Variants in EPHB1 observed in about 807,000 individuals in gnomAD.
The protein encoded by EPHB1 is ephrin type-B receptor 1.
A neutral mutation model predicts 94.4 loss-of-function variants in EPHB1; 30 were observed. The ratio of observed to expected loss-of-function variants is 0.32; its 90% CI spans 0.24 to 0.43. The LOEUF (loss-of-function observed/expected upper bound fraction) is 0.43, where lower values mean the gene tolerates loss of function less well. Among genes scored for constraint, EPHB1 ranks in the 20% least tolerant of loss-of-function variants. The pLI, the probability that EPHB1 is intolerant of heterozygous loss-of-function variation, is 1.00. For missense variants in EPHB1, 1,055 were observed against 1,308.3 expected, an observed-to-expected ratio of 0.81 and a Z score of 2.99; for synonymous variants, 522 against 489.1, an observed-to-expected ratio of 1.07 and a Z score of -0.89.
At chr3:135,083,187 G>T (rs151103049) in intron 3 of EPHB1, among the ~76,000 whole-genome samples, 1 of 152,204 alleles carries the variant, frequency 6.6e-6, no homozygotes, top group South Asian at 2.1e-4. Flanking sequence ...GCTGTAGAAA[G>T]TCATGTCAGG....
At chr3:135,115,875 T>C (rs1336113799) in intron 4 of EPHB1, among the ~76,000 whole-genome samples, 1 of 152,188 alleles carries the variant, frequency 6.6e-6, no homozygotes, top group Non-Finnish European at 1.5e-5. Flanking sequence ...TTTTTATGAA[T>C]CATGTTTAAG....
chr3:134,891,386 A>G (rs937396837), intron 1 of EPHB1, among the ~76,000 whole-genome samples: 13 of 152,250 alleles, frequency 8.5e-5, no homozygotes, highest in African/African-American at 2.9e-4. Context: ...CTGGGATTAC[A>G]GGTGTGAGCC....
intron 1 of EPHB1, among the ~76,000 whole-genome samples, chr3:134,899,676 T>G (rs974241923): frequency 6.6e-6 from 1 of 152,018 alleles, no homozygotes; most frequent in Non-Finnish European, 1.5e-5. Flanking sequence ...TGTTTTGTTT[T>G]GTTTGTTTTA....
chr3:135,127,214 C>G (rs898577414), intron 4 of EPHB1, among the ~76,000 whole-genome samples: 3 of 152,184 alleles, frequency 2.0e-5, no homozygotes, highest in African/African-American at 7.2e-5. Context: ...ACTAAGAACC[C>G]CCTCAGAGTC....
intron 1 of EPHB1, among the ~76,000 whole-genome samples, chr3:134,816,633 A>G (rs2108288236): frequency 6.6e-6 from 1 of 152,146 alleles, no homozygotes; most frequent in South Asian, 2.1e-4. Flanking sequence ...CATTTGAAAC[A>G]GATTCCCAGG....
chr3:134,907,254 C>T (rs1021110693), intron 1 of EPHB1, among the ~76,000 whole-genome samples: 1 of 152,220 alleles, frequency 6.6e-6, no homozygotes, highest in African/African-American at 2.4e-5. Context: ...AGATTGGAAC[C>T]TTTATCTTTT....
intron 3 of EPHB1, among the ~76,000 whole-genome samples, chr3:135,087,016 A>T (rs1482165471): frequency 1.3e-5 from 2 of 152,252 alleles, no homozygotes; most frequent in African/African-American, 2.4e-5. Context: ...AATGAGAAAA[A>T]TAAAACCAGT....
At chr3:135,021,042 T>C (rs1201145736) in intron 3 of EPHB1, among the ~76,000 whole-genome samples, 1 of 152,248 alleles carries the variant, frequency 6.6e-6, no homozygotes, top group Non-Finnish European at 1.5e-5. Flanking sequence ...GCCTTGTTTA[T>C]CTATGATTGT....
chr3:135,132,610 C>G (rs551045082), intron 4 of EPHB1, 104 bp from the exon 5 acceptor site: 2 of 993,096 alleles, frequency 2.0e-6, no homozygotes, highest in East Asian at 2.7e-5. Flanking sequence ...GAGTGGGAGG[C>G]GAGCGCACTG....
Position 135,112,485 on chromosome 3 carries a change from C to T in EPHB1, c.961+5882C>T, listed in dbSNP as rs577191815. On this transcript the variant is annotated intron_variant, in intron 4 of 15. Coordinates refer to ENST00000398015, the MANE Select transcript of EPHB1 (RefSeq NM_004441.5). Reference sequence around the variant, plus strand: ...ACATGTGCCATGTTGGTCTGCTGCACCCATTAACTTGTCATTTAGCATTAG... The same window carrying T: ...ACATGTGCCATGTTGGTCTGCTGCATCCATTAACTTGTCATTTAGCATTAG... 7.2e-5 allele frequency among the ~76,000 whole-genome samples: 11 copies of T among 151,810 alleles called. No homozygotes were observed. The South Asian group carries it at 2.3e-3, about 32-fold the overall frequency.
rs1045343955 is a variant in EPHB1, at chr3:135,039,883, T to G, written c.806-66565T>G. ...GGCTCCCACAGTGCAGTGGGGGGGC[T>G]GAAGGGCTCCTCAAATGCCACCAAA... On this transcript the variant is annotated intron_variant, in intron 3 of 15. Transcript: ENST00000398015. 8.5e-5 allele frequency among the ~76,000 whole-genome samples: 13 copies of G among 152,250 alleles called. 1 individual carries two copies. The South Asian group carries it at 2.1e-3, about 24-fold the overall frequency.
At chr3:134,974,551 T>C (rs1362205424) in intron 3 of EPHB1, among the ~76,000 whole-genome samples, 1 of 150,610 alleles carries the variant, frequency 6.6e-6, no homozygotes, top group Non-Finnish European at 1.5e-5. Flanking sequence ...ATGCATAGCG[T>C]GCTGTGTCCC....
chr3:134,804,498 A>C (rs2035998601), intron 1 of EPHB1, among the ~76,000 whole-genome samples: 1 of 152,094 alleles, frequency 6.6e-6, no homozygotes. Context: ...TGTCTTTGAT[A>C]AGCTGTGTTG....
intron 1 of EPHB1, among the ~76,000 whole-genome samples, chr3:134,818,924 G>C (rs760249320): frequency 3.9e-5 from 6 of 152,168 alleles, no homozygotes; most frequent in Non-Finnish European, 7.3e-5. Flanking sequence ...CCCCTTTCAG[G>C]ACTGTGTTTC....
At position 134,951,832 on chromosome 3, in the gene EPHB1, G is replaced by A. The variant is rs976101450; in HGVS notation, c.585G>A (p.Lys195=). The A allele has an allele frequency of 4.3e-6, 7 of 1,614,036 alleles. No homozygotes were observed. Among genetic ancestry groups the A allele is most frequent in the African/African-American group, 4.0e-5 (3 of 75,052 alleles). The change falls in exon 3 of 16, where the codon AAG becomes AAA. Residue 195 remains lysine (K), a synonymous_variant. Transcript: ENST00000398015. This position sits in a 1 kb window ranked among gnomAD's most constrained non-coding sequence, Gnocchi z 4.5. Reference sequence around the variant, plus strand: ...TTTCTGTCCGTGTCTTCTTCAAAAAGTGTCCCAGCATTGTGCAAAATTTTG... The same window carrying A: ...TTTCTGTCCGTGTCTTCTTCAAAAAATGTCCCAGCATTGTGCAAAATTTTG... The part of the protein sequence containing the change: ...SLLSVRVFFK[K]CPSIVQNFAV...
chr3:134,806,190 G>T (rs185818523), intron 1 of EPHB1, among the ~76,000 whole-genome samples: 1 of 152,230 alleles, frequency 6.6e-6, no homozygotes, highest in East Asian at 1.9e-4. Context: ...TTTGAATATG[G>T]ATTGGCCTTA....
intron 1 of EPHB1, among the ~76,000 whole-genome samples, chr3:134,865,644 G>A (rs1229824131): frequency 1.9e-4 from 28 of 148,986 alleles, no homozygotes; most frequent in African/African-American, 6.0e-4. Flanking sequence ...AAATAAATCT[G>A]CAGCTGTTTT....
intron 3 of EPHB1, among the ~76,000 whole-genome samples, chr3:135,079,969 G>A (rs1254920271): frequency 3.3e-5 from 5 of 152,140 alleles, no homozygotes; most frequent in Non-Finnish European, 7.3e-5. Flanking sequence ...GCCCCTGGCT[G>A]GACGAAGAGG....
intron 1 of EPHB1, among the ~76,000 whole-genome samples, chr3:134,874,492 T>G (rs2037576192): frequency 6.6e-6 from 1 of 151,932 alleles, no homozygotes; most frequent in Admixed American, 6.6e-5. Context: ...ATAGAAGAAA[T>G]AAAGGAAAAC....
Sources: allele counts gnomAD v4.1 joint callset (sites outside exome capture counted in the v4.1 genomes callset), GRCh38; gene constraint gnomAD v4.1.1; non-coding constraint Gnocchi (gnomAD v3.1); transcripts MANE v1.5; gene names NCBI Gene and HGNC (gene_info 2026-07-23, HGNC 2026-07-21).